PCDH9: variants seen among roughly 807,000 people sequenced by gnomAD.
PCDH9 encodes the protein protocadherin 9, also known as protocadherin-9.
PCDH9 carries 24 observed loss-of-function variants against 70.6 expected under a neutral mutation model. That is an observed-to-expected ratio of 0.34 (90% CI 0.25 to 0.48). The LOEUF is 0.48. Among genes scored for constraint, PCDH9 ranks in the 20% least tolerant of loss-of-function variants. The probability of loss-of-function intolerance (pLI) is 0.99; values close to 1 mark genes in which losing one functional copy is unlikely to be tolerated. For synonymous variants in PCDH9, 562 were observed against 558.5 expected, an observed-to-expected ratio of 1.01 and a Z score of -0.09; for missense variants, 1,281 against 1,503.6, an observed-to-expected ratio of 0.85 and a Z score of 2.45.
At chr13:66,972,103 T>C (rs969199740) in intron 2 of PCDH9, among the ~76,000 whole-genome samples, 2 of 151,978 alleles carry the variant, frequency 1.3e-5, no homozygotes, top group Admixed American at 6.6e-5. Flanking sequence ...TATACTATTG[T>C]ACACTGATTC....
At chr13:66,809,401 T>A (rs909149214) in intron 3 of PCDH9, among the ~76,000 whole-genome samples, 2 of 152,204 alleles carry the variant, frequency 1.3e-5, no homozygotes, top group Non-Finnish European at 2.9e-5. Context: ...ACAATCTTCA[T>A]GGAGTTTGTG....
At chr13:66,691,754 A>G (rs1259578815) in intron 3 of PCDH9, among the ~76,000 whole-genome samples, 1 of 152,214 alleles carries the variant, frequency 6.6e-6, no homozygotes, top group African/African-American at 2.4e-5. Context: ...TAAAGAATAC[A>G]TGCCTTATAT....
intron 2 of PCDH9, chr13:67,205,014 T>C (rs1198775790): frequency 6.6e-6 from 1 of 152,160 alleles, no homozygotes; most frequent in Non-Finnish European, 1.5e-5. Context: ...AGAGTATCTA[T>C]TAAAAAATGC....
intron 2 of PCDH9, among the ~76,000 whole-genome samples, chr13:66,925,559 T>C (rs985659276): frequency 2.6e-5 from 4 of 151,930 alleles, no homozygotes; most frequent in Non-Finnish European, 5.9e-5. Flanking sequence ...GGCTGACATA[T>C]GTAGTCTTCA....
At chr13:66,305,150 A>G (rs1396495633) in intron 4 of PCDH9, 122 bp from the exon 5 acceptor site, 2 of 845,878 alleles carry the variant, frequency 2.4e-6, no homozygotes, top group Admixed American at 3.0e-5. Flanking sequence ...TATCAAGTCA[A>G]GCAACTCAAA....
chr13:66,800,047 C>G (rs2080301271), intron 3 of PCDH9, among the ~76,000 whole-genome samples: 2 of 152,112 alleles, frequency 1.3e-5, no homozygotes, highest in Non-Finnish European at 2.9e-5. Context: ...CAATTATAAC[C>G]CATAGCCCCC....
intron 4 of PCDH9, among the ~76,000 whole-genome samples, chr13:66,586,973 CA>C (rs2076970942): frequency 6.6e-6 from 1 of 151,918 alleles, no homozygotes; most frequent in Admixed American, 6.6e-5. Context: ...AACTTATTAG[CA>C]GGAAAAATGA....
At chr13:66,905,932 T>G (rs768223316) in intron 2 of PCDH9, among the ~76,000 whole-genome samples, 47 of 152,198 alleles carry the variant, frequency 3.1e-4, no homozygotes, top group Non-Finnish European at 4.6e-4. Flanking sequence ...CATATCTCCC[T>G]TAATGGGTTC....
At chr13:66,996,484 C>T (rs190012530) in intron 2 of PCDH9, among the ~76,000 whole-genome samples, 23 of 152,216 alleles carry the variant, frequency 1.5e-4, no homozygotes, top group African/African-American at 5.1e-4. Context: ...AAAGATTCTA[C>T]TACATTCTTT....
intron 2 of PCDH9, among the ~76,000 whole-genome samples, chr13:66,955,120 A>C (rs968571248): frequency 2.6e-5 from 4 of 152,158 alleles, no homozygotes; most frequent in Non-Finnish European, 5.9e-5. Context: ...GTTATTGACT[A>C]TTCACCATCT....
chr13:67,145,345 C>A (rs2087496456), intron 2 of PCDH9, among the ~76,000 whole-genome samples: 1 of 151,928 alleles, frequency 6.6e-6, no homozygotes, highest in African/African-American at 2.4e-5. Flanking sequence ...TTCAAGTGTT[C>A]TGAATTAATT....
At chr13:67,129,236 A>G (rs2087050258) in intron 2 of PCDH9, among the ~76,000 whole-genome samples, 1 of 152,182 alleles carries the variant, frequency 6.6e-6, no homozygotes, top group African/African-American at 2.4e-5. Context: ...AAAGAAGGGA[A>G]AAACAAAACA....
intron 2 of PCDH9, among the ~76,000 whole-genome samples, chr13:67,114,961 C>T (rs906103098): frequency 2.8e-4 from 43 of 152,068 alleles, no homozygotes; most frequent in African/African-American, 1.0e-3. Flanking sequence ...TACACTTACC[C>T]GTTTGTGTTA....
chr13:66,854,777 C>T (rs1004196849), intron 3 of PCDH9, among the ~76,000 whole-genome samples: 2 of 152,002 alleles, frequency 1.3e-5, no homozygotes, highest in East Asian at 3.9e-4. Flanking sequence ...TATTCAGGAA[C>T]GAGTTATATT....
intron 4 of PCDH9, among the ~76,000 whole-genome samples, chr13:66,359,327 A>G (rs1956431190): frequency 6.6e-6 from 1 of 151,958 alleles, no homozygotes; most frequent in South Asian, 2.1e-4. Context: ...TAGCTATAAC[A>G]TAGTTAAAAC....
chr13:67,036,977 C>A (rs2139898045), intron 2 of PCDH9, among the ~76,000 whole-genome samples: 1 of 152,242 alleles, frequency 6.6e-6, no homozygotes, highest in South Asian at 2.1e-4. Context: ...GCCAAGGAAA[C>A]TATATTATGG....
intron 3 of PCDH9, among the ~76,000 whole-genome samples, chr13:66,895,867 TC>T (rs1265235305): frequency 6.6e-6 from 1 of 152,130 alleles, no homozygotes; most frequent in Non-Finnish European, 1.5e-5. Flanking sequence ...GAAAGGCTCA[TC>T]CCCCCTCTCT....
chr13:66,432,445 T>C (rs1191506741), intron 4 of PCDH9, among the ~76,000 whole-genome samples: 1 of 152,056 alleles, frequency 6.6e-6, no homozygotes, highest in Non-Finnish European at 1.5e-5. Context: ...ACATGCCTGA[T>C]AGCCTTGAAT....
intron 3 of PCDH9, among the ~76,000 whole-genome samples, chr13:66,883,585 C>A (rs74969304): frequency 1.3e-5 from 2 of 152,118 alleles, no homozygotes; most frequent in African/African-American, 2.4e-5. Flanking sequence ...ACAACCATTT[C>A]TTTAATGAGG....
Sources: gnomAD v4.1 joint callset for allele counts (sites outside exome capture counted in the v4.1 genomes callset) on GRCh38, gnomAD v4.1.1 for gene constraint, MANE v1.5 for transcripts, NCBI Gene and HGNC (gene_info 2026-07-23, HGNC 2026-07-21) for gene names.